SPOCK3: variants seen among roughly 807,000 people sequenced by gnomAD.
The protein encoded by SPOCK3 is SPARC (osteonectin), cwcv and kazal like domains proteoglycan 3, also known as testican-3.
A neutral mutation model predicts 56.6 loss-of-function variants in SPOCK3; 30 were observed. The observed-to-expected ratio is 0.53, with a 90% CI of 0.40 to 0.72. The LOEUF (loss-of-function observed/expected upper bound fraction) is 0.72. Ranked by LOEUF, SPOCK3 falls within the 30% of genes least tolerant of loss-of-function variation. The pLI, the probability that SPOCK3 is intolerant of heterozygous loss-of-function variation, is 0.00. For synonymous variants in SPOCK3, 196 were observed against 183.3 expected (o/e 1.07, Z -0.56); for missense variants, 527 against 530.0 (o/e 0.99, Z 0.06).
At chr4:166,991,856 T>G (rs1218474231) in intron 4 of SPOCK3, among the ~76,000 whole-genome samples, 4 of 152,174 alleles carry the variant, frequency 2.6e-5, no homozygotes, top group Non-Finnish European at 5.9e-5. Flanking sequence ...ATATTTTCTT[T>G]TTGACATAGC....
chr4:166,925,267 T>C (rs987014181), intron 4 of SPOCK3, among the ~76,000 whole-genome samples: 4 of 152,114 alleles, frequency 2.6e-5, no homozygotes. Flanking sequence ...TCTTTGAAAA[T>C]ACAAAAACCA....
intron 3 of SPOCK3, among the ~76,000 whole-genome samples, chr4:167,006,189 T>C (rs1457060920): frequency 6.6e-6 from 1 of 152,152 alleles, no homozygotes; most frequent in Non-Finnish European, 1.5e-5. Flanking sequence ...CAGAAAATTA[T>C]AGATCAAATA....
intron 5 of SPOCK3, among the ~76,000 whole-genome samples, chr4:166,895,419 G>A (rs1422427934): frequency 6.9e-6 from 1 of 144,702 alleles, no homozygotes; most frequent in African/African-American, 2.5e-5. Context: ...AAAAGAATGG[G>A]AGTAAGCAAG....
intron 6 of SPOCK3, among the ~76,000 whole-genome samples, chr4:166,792,915 TA>T (rs1480294794): frequency 4.6e-5 from 7 of 152,162 alleles, no homozygotes; most frequent in African/African-American, 1.7e-4. Flanking sequence ...CATTTGGAAC[TA>T]AAGTAACTTC....
At chr4:167,184,733 T>C (rs184899563) in intron 2 of SPOCK3, among the ~76,000 whole-genome samples, 1 of 152,282 alleles carries the variant, frequency 6.6e-6, no homozygotes, top group Admixed American at 6.5e-5. Context: ...CAGTCTGATT[T>C]TAAAATACCT....
chr4:167,105,463 T>TAAAAAAAA (rs552028589), intron 2 of SPOCK3, among the ~76,000 whole-genome samples: 3 of 98,664 alleles, frequency 3.0e-5, no homozygotes, highest in Admixed American at 1.0e-4. Context: ...ACACAAAAAT[T>TAAAAAAAA]AAAAAAAAAA....
rs1748216641 is a variant in SPOCK3 at position 166,995,136 on chromosome 4, TTC to T, written c.350+5211_350+5212del. On this transcript the variant is annotated intron_variant, in intron 4 of 10. Coordinates refer to ENST00000357545, the MANE Select transcript of SPOCK3 (RefSeq NM_001040159.2). The stretch of plus-strand genomic sequence containing the variant: ...CTACCAATTGAATAAATTAAGTGAA[TTC>T]TCTGTCTCAACTTTTATCATAGGTA... Among the ~76,000 whole-genome samples, 4 of 152,158 alleles carry T rather than the reference TTC, an allele frequency of 2.6e-5. No individual in the cohort carries two copies. In the South Asian group the frequency reaches 8.3e-4, roughly 32 times the overall value.
chr4:166,815,576 G>C (rs1004778553), intron 6 of SPOCK3, among the ~76,000 whole-genome samples: 2 of 152,024 alleles, frequency 1.3e-5, no homozygotes, highest in African/African-American at 4.8e-5. Context: ...AAGATCACTT[G>C]AGGCCAGGAG....
At chr4:167,066,094 A>G (rs1298087942) in intron 2 of SPOCK3, among the ~76,000 whole-genome samples, 2 of 151,898 alleles carry the variant, frequency 1.3e-5, no homozygotes, top group East Asian at 3.9e-4. Flanking sequence ...CTACATAAAA[A>G]TTGGGTTTAT....
At chr4:167,019,079 A>G (rs1243010075) in intron 3 of SPOCK3, among the ~76,000 whole-genome samples, 3 of 151,980 alleles carry the variant, frequency 2.0e-5, no homozygotes, top group African/African-American at 7.2e-5. Context: ...CACACCACCA[A>G]CTCATTATAA....
chr4:166,822,975 C>G (rs1745083255), intron 6 of SPOCK3, among the ~76,000 whole-genome samples: 2 of 151,916 alleles, frequency 1.3e-5, no homozygotes, highest in Admixed American at 1.3e-4. Flanking sequence ...TCTTGGCTAA[C>G]AAGTAACCAA....
intron 2 of SPOCK3, among the ~76,000 whole-genome samples, chr4:167,206,140 G>A (rs1264369693): frequency 1.3e-5 from 2 of 151,748 alleles, no homozygotes; most frequent in Non-Finnish European, 2.9e-5. Context: ...CCTAGCTAAT[G>A]TGGTGAAATT....
chr4:167,219,573 A>G (rs1735700302), intron 2 of SPOCK3, among the ~76,000 whole-genome samples: 3 of 152,128 alleles, frequency 2.0e-5, no homozygotes, highest in African/African-American at 7.2e-5. Context: ...TTCCTTTCTC[A>G]TTCCTGTTAA....
chr4:166,944,867 TG>T (rs1305506220), intron 4 of SPOCK3, among the ~76,000 whole-genome samples: 11 of 152,218 alleles, frequency 7.2e-5, no homozygotes, highest in African/African-American at 2.7e-4. Flanking sequence ...TTTAAGACTA[TG>T]TAAATATCCC....
At chr4:166,967,984 C>T (rs902550877) in intron 4 of SPOCK3, among the ~76,000 whole-genome samples, 5 of 152,198 alleles carry the variant, frequency 3.3e-5, no homozygotes, top group African/African-American at 9.6e-5. Flanking sequence ...GTAAAGATCA[C>T]TCTTGCTGTG....
rs368012041 is a variant in SPOCK3, at chr4:166,742,058, G to T, written c.933C>A (p.Asp311Glu). The T allele has an allele frequency of 6.2e-7, 1 of 1,610,688 alleles. No homozygotes were observed. The highest frequency in any genetic ancestry group is 8.5e-7 in the Non-Finnish European group (1 of 1,177,326). ...TGCTGAGCTCAGTCTGGCAAGGTGG[G>T]TCTGCAATGACATTAAAAATGTTAC... is the stretch of plus-strand genomic sequence containing the variant. ...EWCYCFQRQQ[D>E]PPCQTELSNI... Residue 311 changes from aspartate (D) to glutamate (E), a missense_variant and splice_region_variant, in exon 9 of 11, where the codon GAC becomes GAA. Asp to Glu is a conservative substitution (Grantham distance 45). Coordinates refer to ENST00000357545, the MANE Select transcript of SPOCK3 (RefSeq NM_001040159.2).
intron 4 of SPOCK3, among the ~76,000 whole-genome samples, chr4:166,936,240 T>C (rs1740385501): frequency 6.6e-6 from 1 of 152,254 alleles, no homozygotes; most frequent in Admixed American, 6.5e-5. Flanking sequence ...AAAAAGAATT[T>C]ACATATGTAT....
chr4:166,978,683 A>G (rs938665752), intron 4 of SPOCK3, among the ~76,000 whole-genome samples: 4 of 152,204 alleles, frequency 2.6e-5, no homozygotes, highest in African/African-American at 9.6e-5. Flanking sequence ...AAAGAGGAGA[A>G]GGAGGAAGAG....
At chr4:166,886,058 T>C (rs1205781312) in intron 6 of SPOCK3, among the ~76,000 whole-genome samples, 1 of 152,122 alleles carries the variant, frequency 6.6e-6, no homozygotes, top group African/African-American at 2.4e-5. Flanking sequence ...TCAATGAACT[T>C]TTGTTTTGCA....
Sources: allele counts gnomAD v4.1 joint callset (sites outside exome capture counted in the v4.1 genomes callset), GRCh38; gene constraint gnomAD v4.1.1; transcripts MANE v1.5; gene names NCBI Gene and HGNC (gene_info 2026-07-23, HGNC 2026-07-21).